The following CENPM variants were observed in gnomAD, a reference collection of about 807,000 sequenced individuals.
CENPM encodes centromere protein M.
Under a neutral mutation model 19.6 loss-of-function variants are expected in CENPM, and 14 were observed. The ratio of observed to expected loss-of-function variants is 0.71; its 90% CI spans 0.47 to 1.11. CENPM has a LOEUF of 1.11. CENPM is among the 50% of genes most tolerant of loss of function. The pLI, the probability that CENPM is intolerant of heterozygous loss-of-function variation, is 0.00. For synonymous variants in CENPM, 114 were observed against 101.5 expected, an observed-to-expected ratio of 1.12 and a Z score of -0.74; for missense variants, 239 against 228.4, an observed-to-expected ratio of 1.05 and a Z score of -0.30.
At chr22:41,931,653 GCC>G in the CENPM span, among the ~76,000 whole-genome samples, 1 of 152,228 alleles carries the variant, frequency 6.6e-6, no homozygotes, top group Non-Finnish European at 1.5e-5. Flanking sequence ...AGGGGCAAGG[GCC>G]CTCTCAAGAT....
chr22:41,935,393 T>C (rs2077679368), downstream of CENPM, among the ~76,000 whole-genome samples: 1 of 151,890 alleles, frequency 6.6e-6, no homozygotes, highest in Non-Finnish European at 1.5e-5. Flanking sequence ...GGACACCCAT[T>C]CCATCAGCCC....
the CENPM span, among the ~76,000 whole-genome samples, chr22:41,930,093 GCCA>G: frequency 6.6e-6 from 1 of 151,262 alleles, no homozygotes; most frequent in Admixed American, 6.6e-5. Flanking sequence ...ACAGGCGCCC[GCCA>G]CCATGCCCGG....
At chr22:41,944,435 CAAAAAA>C (rs139232803) in intron 4 of CENPM, among the ~76,000 whole-genome samples, 1 of 70,260 alleles carries the variant, frequency 1.4e-5, no homozygotes, top group Non-Finnish European at 2.9e-5. Flanking sequence ...GACTCCGTCT[CAAAAAA>C]AAAAAAAAAA....
chr22:41,942,251 C>A (rs576467126), intron 5 of CENPM, among the ~76,000 whole-genome samples: 2 of 152,182 alleles, frequency 1.3e-5, no homozygotes, highest in African/African-American at 4.8e-5. Context: ...AGACCCATCG[C>A]GGGGAGCACA....
At chr22:41,936,394 G>A (rs1325450433), downstream of CENPM, among the ~76,000 whole-genome samples, 1 of 152,230 alleles carries the variant, frequency 6.6e-6, no homozygotes, top group African/African-American at 2.4e-5. Context: ...GTGACATGTG[G>A]GGCCTCGACC....
At chr22:41,937,542 G>A (rs879444975), downstream of CENPM, among the ~76,000 whole-genome samples, 3 of 152,170 alleles carry the variant, frequency 2.0e-5, no homozygotes, top group South Asian at 4.1e-4. Flanking sequence ...CAATCCGCCC[G>A]CCTCGGCTTT....
chr22:41,945,043 AG>A, intron 4 of CENPM, 181 bp downstream of exon 4: 1 of 1,447,136 alleles, frequency 6.9e-7, no homozygotes. Context: ...TATTAAGCCT[AG>A]TACCCATTAG....
At chr22:41,934,006 G>A (rs140889940), downstream of CENPM, among the ~76,000 whole-genome samples, 1 of 152,236 alleles carries the variant, frequency 6.6e-6, no homozygotes, top group Non-Finnish European at 1.5e-5. Flanking sequence ...GAAAAGGGGG[G>A]CAGGCAGTGG....
intron 5 of CENPM, among the ~76,000 whole-genome samples, chr22:41,940,424 C>T (rs2077729377): frequency 6.6e-6 from 1 of 152,142 alleles, no homozygotes; most frequent in African/African-American, 2.4e-5. Flanking sequence ...CTCGCTTTGT[C>T]ACCCAGGCTG....
At chr22:41,928,045 TC>T in the CENPM span, 1 of 244,250 alleles carries the variant, frequency 4.1e-6, no homozygotes, top group South Asian at 4.2e-5. The surrounding 1 kb of genome is among the most constrained non-coding windows in gnomAD (Gnocchi z 4.0). Context: ...AAACAGGAAG[TC>T]CAGGGAGTGC....
At chr22:41,929,050 G>A in the CENPM span, among the ~76,000 whole-genome samples, 1 of 151,876 alleles carries the variant, frequency 6.6e-6, no homozygotes, top group Non-Finnish European at 1.5e-5. Context: ...TGGGCGGAGG[G>A]GAGCTGCAAA....
At chr22:41,945,484 T>A in intron 3 of CENPM, 180 bp from the exon 4 acceptor site, 1 of 1,304,030 alleles carries the variant, frequency 7.7e-7, no homozygotes, top group Non-Finnish European at 1.0e-6. Context: ...GGAGTTTCAC[T>A]TTGTTGCCCA....
intron 1 of CENPM, 112 bp from the exon 2 acceptor site, chr22:41,946,608 C>A: frequency 1.2e-6 from 1 of 863,332 alleles, no homozygotes. Context: ...GCAGGCGGCT[C>A]GGAGGACATT....
chr22:41,946,629 T>C (rs1029698610), intron 1 of CENPM, 133 bp from the exon 2 acceptor site: 4 of 728,898 alleles, frequency 5.5e-6, no homozygotes, highest in Non-Finnish European at 9.1e-6. Context: ...TCCCGAGAAG[T>C]GGACCCCGCG....
rs749536473 is a variant in CENPM at position 41,947,061 on chromosome 22, G to A, written c.16C>T (p.Pro6Ser). The change falls in exon 1 of 6, where the codon CCC (proline) becomes TCC (serine). Residue 6 changes from proline (P) to serine (S), a missense_variant. Pro to Ser is a moderately conservative substitution (Grantham distance 74). Transcript: ENST00000215980. MSVLR[P>S]LDKLPGLNTA... ...TTCAGGCCGGGCAGCTTGTCCAGGGGCCTCAACACCGACATCACAGCCGCA... is the reference window on the plus strand; with the variant it reads ...TTCAGGCCGGGCAGCTTGTCCAGGGACCTCAACACCGACATCACAGCCGCA... 21 of 1,612,774 alleles carry A rather than the reference G, an allele frequency of 1.3e-5. No individual in the cohort carries two copies. The highest frequency in any genetic ancestry group is 1.8e-5 in the Non-Finnish European group (21 of 1,179,930).
At chr22:41,932,415 G>A in the CENPM span, among the ~76,000 whole-genome samples, 14 of 152,200 alleles carry the variant, frequency 9.2e-5, no homozygotes, top group African/African-American at 3.4e-4. This position sits in a 1 kb window ranked among gnomAD's most constrained non-coding sequence, Gnocchi z 4.3. Flanking sequence ...AGGCCTGGGA[G>A]TCCCCAGATC....
At chr22:41,940,086 C>T (rs2077725172) in intron 5 of CENPM, 2 of 728,910 alleles carry the variant, frequency 2.7e-6, no homozygotes, top group African/African-American at 3.5e-5. Flanking sequence ...ATTTCTCCAC[C>T]CCAACCCGCC....
intron 4 of CENPM, chr22:41,944,573 T>C (rs1190435549): frequency 1.3e-6 from 1 of 776,902 alleles, no homozygotes; most frequent in Admixed American, 6.3e-5. Context: ...AACACCTACC[T>C]CCAATAGGAA....
At chr22:41,934,037 C>T (rs2077674102), downstream of CENPM, among the ~76,000 whole-genome samples, 1 of 152,242 alleles carries the variant, frequency 6.6e-6, no homozygotes, top group African/African-American at 2.4e-5. Context: ...GGGAAGTGGG[C>T]TGCCCCAAGT....
Sources: allele counts gnomAD v4.1 joint callset (sites outside exome capture counted in the v4.1 genomes callset), GRCh38; gene constraint gnomAD v4.1.1; non-coding constraint Gnocchi (gnomAD v3.1); transcripts MANE v1.5; gene names NCBI Gene and HGNC (gene_info 2026-07-23, HGNC 2026-07-21).